PRKG1: variants seen among roughly 807,000 people sequenced by gnomAD.
PRKG1 encodes the protein protein kinase cGMP-dependent 1, also known as cGMP-dependent protein kinase 1.
A neutral mutation model predicts 88.1 loss-of-function variants in PRKG1; 35 were observed. The ratio of observed to expected loss-of-function variants is 0.40; its 90% confidence interval spans 0.30 to 0.53. The LOEUF (loss-of-function observed/expected upper bound fraction) is 0.53, where lower values mean the gene tolerates loss of function less well. Among genes scored for constraint, PRKG1 ranks in the 20% least tolerant of loss-of-function variants. The pLI, the probability that PRKG1 is intolerant of heterozygous loss-of-function variation, is 0.59. For synonymous variants in PRKG1, 303 were observed against 292.5 expected, an observed-to-expected ratio of 1.04 and a Z score of -0.37; for missense variants, 540 against 839.8, an observed-to-expected ratio of 0.64 and a Z score of 4.41.
chr10:51,594,003 G>C (rs1350832243), intron 3 of PRKG1, among the ~76,000 whole-genome samples: 1 of 152,010 alleles, frequency 6.6e-6, no homozygotes, highest in Admixed American at 6.5e-5. Context: ...TGTGATTACA[G>C]GTGTGGGCCA....
At chr10:51,103,905 A>C (rs1844750571) in intron 1 of PRKG1, among the ~76,000 whole-genome samples, 1 of 152,232 alleles carries the variant, frequency 6.6e-6, no homozygotes, top group Non-Finnish European at 1.5e-5. Context: ...ATCAGAAAAC[A>C]AAATGCTCTT....
At chr10:51,849,310 C>G (rs1840485838) in intron 4 of PRKG1, among the ~76,000 whole-genome samples, 1 of 152,114 alleles carries the variant, frequency 6.6e-6, no homozygotes, top group Non-Finnish European at 1.5e-5. Flanking sequence ...GGGGGGTTAC[C>G]TAACCATTTG....
At chr10:51,789,651 G>C (rs1239598483) in intron 3 of PRKG1, among the ~76,000 whole-genome samples, 1 of 152,128 alleles carries the variant, frequency 6.6e-6, no homozygotes, top group Non-Finnish European at 1.5e-5. Flanking sequence ...AAGAGCACCA[G>C]ACAGGAATAT....
chr10:51,880,226 A>G (rs868068586), intron 4 of PRKG1, among the ~76,000 whole-genome samples: 16 of 151,126 alleles, frequency 1.1e-4, no homozygotes, highest in African/African-American at 3.4e-4. Context: ...AATAGAAAGT[A>G]ATTAGCCCAT....
intron 9 of PRKG1, among the ~76,000 whole-genome samples, chr10:52,185,231 C>T (rs10824217): frequency 0.21 from 31,939 of 152,052 alleles, 4,701 homozygotes; most frequent in African/African-American, 0.42. Flanking sequence ...TAAACATGAC[C>T]ATTCCAAAAG....
At chr10:52,228,777 C>T (rs1041499380) in intron 9 of PRKG1, among the ~76,000 whole-genome samples, 4 of 152,164 alleles carry the variant, frequency 2.6e-5, no homozygotes, top group African/African-American at 7.2e-5. Context: ...ACTGAAGACA[C>T]AAGTCAGAAT....
At chr10:52,081,487 A>T (rs1403116349) in intron 7 of PRKG1, 1 of 431,064 alleles carries the variant, frequency 2.3e-6, no homozygotes, top group Non-Finnish European at 4.7e-6. Context: ...CCACCTAGCT[A>T]AAAAGTCAAA....
chr10:51,711,351 G>T (rs554931015), intron 3 of PRKG1, among the ~76,000 whole-genome samples: 140 of 151,444 alleles, frequency 9.2e-4, no homozygotes, highest in Non-Finnish European at 1.4e-3. Context: ...TGATCGACCC[G>T]CCTCGGGCTC....
intron 5 of PRKG1, among the ~76,000 whole-genome samples, chr10:51,991,485 C>A (rs567642096): frequency 1.3e-5 from 2 of 152,050 alleles, no homozygotes; most frequent in Non-Finnish European, 2.9e-5. Flanking sequence ...CACACATTAA[C>A]TCATCATTTA....
chr10:51,997,825 C>A (rs1844489920), intron 5 of PRKG1, among the ~76,000 whole-genome samples: 1 of 151,806 alleles, frequency 6.6e-6, no homozygotes, highest in African/African-American at 2.4e-5. Context: ...CTTTCCTTCC[C>A]TTCTGTCCCC....
intron 9 of PRKG1, among the ~76,000 whole-genome samples, chr10:52,194,317 C>T (rs1376325870): frequency 1.1e-4 from 16 of 152,046 alleles, no homozygotes; most frequent in Admixed American, 8.5e-4. Context: ...AAAAAACAAC[C>T]CTGTCAACTT....
At chr10:51,128,040 A>T (rs1845474715) in intron 1 of PRKG1, among the ~76,000 whole-genome samples, 1 of 152,190 alleles carries the variant, frequency 6.6e-6, no homozygotes, top group South Asian at 2.1e-4. Context: ...ACAGGTTGAT[A>T]GGTGCAGCAA....
At chr10:51,442,149 T>G (rs1839131791) in intron 2 of PRKG1, among the ~76,000 whole-genome samples, 2 of 152,120 alleles carry the variant, frequency 1.3e-5, no homozygotes, top group Admixed American at 1.3e-4. Flanking sequence ...TAGAAAGTAT[T>G]CACTAATCAA....
intron 5 of PRKG1, among the ~76,000 whole-genome samples, chr10:52,005,763 C>G (rs1354583742): frequency 1.3e-5 from 2 of 152,166 alleles, no homozygotes; most frequent in Non-Finnish European, 2.9e-5. Context: ...ACCAATCTTA[C>G]CTCCCATAGC....
At chr10:51,635,922 A>G (rs1292819405) in intron 3 of PRKG1, among the ~76,000 whole-genome samples, 1 of 152,180 alleles carries the variant, frequency 6.6e-6, no homozygotes, top group Non-Finnish European at 1.5e-5. Context: ...CAGTTAATAG[A>G]GCAGTGCAAA....
At chr10:51,720,882 G>A (rs1841995307) in intron 3 of PRKG1, among the ~76,000 whole-genome samples, 1 of 151,998 alleles carries the variant, frequency 6.6e-6, no homozygotes, top group East Asian at 1.9e-4. Flanking sequence ...GATTACTAAA[G>A]CACTTAACTA....
At chr10:51,091,000 G>T (rs907900338) in intron 1 of PRKG1, among the ~76,000 whole-genome samples, 4 of 152,120 alleles carry the variant, frequency 2.6e-5, no homozygotes, top group Non-Finnish European at 5.9e-5. Flanking sequence ...TAATGACCTT[G>T]ATACTGTATC....
chr10:51,811,970 T>C (rs953235142), intron 4 of PRKG1, among the ~76,000 whole-genome samples: 16 of 152,170 alleles, frequency 1.1e-4, no homozygotes, highest in Non-Finnish European at 2.2e-4. Context: ...ATTTCAAATA[T>C]TTTGAGTATT....
intron 1 of PRKG1, among the ~76,000 whole-genome samples, chr10:51,082,390 G>C (rs937781538): frequency 6.6e-6 from 1 of 152,188 alleles, no homozygotes; most frequent in Non-Finnish European, 1.5e-5. Flanking sequence ...TAGGACGGCG[G>C]TTCCCAAACT....
Sources: gnomAD v4.1 joint callset for allele counts (sites outside exome capture counted in the v4.1 genomes callset) on GRCh38, gnomAD v4.1.1 for gene constraint, MANE v1.5 for transcripts, NCBI Gene and HGNC (gene_info 2026-07-23, HGNC 2026-07-21) for gene names.